The following ASXL1 variants were observed in gnomAD, a reference collection of about 807,000 sequenced individuals.
ASXL1 encodes the protein polycomb group protein ASXL1.
A neutral mutation model predicts 89.1 loss-of-function variants in ASXL1; 65 were observed. The ratio of observed to expected loss-of-function variants is 0.73; its 90% confidence interval spans 0.60 to 0.90. The LOEUF is 0.90. Ranked by LOEUF, ASXL1 falls within the 40% of genes least tolerant of loss-of-function variation. The probability of loss-of-function intolerance (pLI) is 0.00; values close to 1 mark genes in which losing one functional copy is unlikely to be tolerated. For missense variants in ASXL1, 1,786 were observed against 1,942.9 expected, an observed-to-expected ratio of 0.92 and a Z score of 1.52; for synonymous variants, 739 against 746.9, an observed-to-expected ratio of 0.99 and a Z score of 0.17.
rs754008245 is a variant in ASXL1, at chr20:32,435,519, C to T, written c.2807C>T (p.Thr936Ile). 1.2e-6 allele frequency: 2 copies of T among 1,614,036 alleles called. No individual in the cohort carries two copies. Among genetic ancestry groups the T allele is most frequent in the Admixed American group, 1.7e-5 (1 of 60,020 alleles). ...VGEEWEKAAP[T>I]PPALPGDLTA... is the part of the protein sequence containing the mutation. ...GAGGAGTGGGAGAAAGCTGCTCCCACCCCTCCTGCATTGCCTGGGGATTTG... is the reference window on the plus strand; with the variant it reads ...GAGGAGTGGGAGAAAGCTGCTCCCATCCCTCCTGCATTGCCTGGGGATTTG... Residue 936 changes from threonine to isoleucine, a missense_variant, in exon 13 of 13, where the codon ACC (threonine) becomes ATC (isoleucine). Physicochemically the swap from Thr to Ile is moderately conservative, Grantham distance 89. This residue lies in a region of ASXL1 where 1,418 missense variants were observed against 1,427.8 expected (regional missense o/e 0.99). Transcript: ENST00000375687.
chr20:32,379,081 T>TCA (rs60897071), intron 4 of ASXL1, among the ~76,000 whole-genome samples: 2,728 of 143,010 alleles, frequency 0.019, 39 homozygotes, highest in African/African-American at 0.042. Flanking sequence ...ACTCTGTCTC[T>TCA]CACACACACA....
Position 32,437,614 on chromosome 20 carries a change from G to GC in ASXL1, c.*277dup. On this transcript the variant is annotated 3_prime_UTR_variant, in exon 13 of 13. Coordinates refer to ENST00000375687, the MANE Select transcript of ASXL1 (RefSeq NM_015338.6). ...GCCTGATGTGGCACGGAGTGGGGTT[G>GC]CGGGGGGTGGGGGGACTGCCTGACT... The GC allele has an allele frequency of 2.0e-6, 1 of 505,744 alleles. No homozygotes were observed. The highest frequency in any genetic ancestry group is 2.3e-5 in the South Asian group (1 of 43,072). 31.3% of individuals were successfully genotyped at this position (505,744 alleles called of 1,614,324 possible). A position where few individuals can be genotyped will look rare whatever the true frequency, so the allele number is the denominator to read the frequency against.
chr20:32,394,820 T>G (rs2048734199), intron 4 of ASXL1, among the ~76,000 whole-genome samples: 1 of 152,032 alleles, frequency 6.6e-6, no homozygotes, highest in Admixed American at 6.6e-5. Flanking sequence ...TTCAAGTGAT[T>G]CTTATGCCTC....
rs2012073911 is a variant in ASXL1 at position 32,438,969 on chromosome 20, T to C, written c.*1631T>C. On this transcript the variant is annotated 3_prime_UTR_variant, in exon 13 of 13. Coordinates refer to ENST00000375687, the MANE Select transcript of ASXL1 (RefSeq NM_015338.6). The stretch of plus-strand genomic sequence containing the variant: ...GTTGAGGGTTCTTGCTTAATTTAGA[T>C]CAAGTATAAAATTTGTATGACTTCA... 4 of 233,642 alleles carry C rather than the reference T, an allele frequency of 1.7e-5. No individual in the cohort carries two copies. The East Asian group carries it at 2.4e-4, about 14-fold the overall frequency. 14.5% of individuals were successfully genotyped at this position (233,642 alleles called of 1,614,324 possible).
intron 4 of ASXL1, among the ~76,000 whole-genome samples, chr20:32,417,130 C>T (rs935883011): frequency 3.3e-5 from 5 of 152,266 alleles, no homozygotes; most frequent in South Asian, 2.1e-4. Flanking sequence ...TGGTCTTTGT[C>T]TACATTTTAT....
rs144440597 is a variant in ASXL1 at position 32,433,916 on chromosome 20, G to A, written c.1718G>A (p.Arg573Gln). 6.2e-6 allele frequency: 10 copies of A among 1,612,384 alleles called. No homozygotes were observed. Among genetic ancestry groups the A allele is most frequent in the African/African-American group, 4.0e-5 (3 of 74,904 alleles). Reference protein sequence around the residue: ...TKEEPKVPPIRIQLSRIKPPW... With the variant: ...TKEEPKVPPIQIQLSRIKPPW... ...GAGGAGCCCAAAGTCCCGCCCATCCGGGTAGGAGACTGTTTGATTCCTGGC... is the reference window on the plus strand; with the variant it reads ...GAGGAGCCCAAAGTCCCGCCCATCCAGGTAGGAGACTGTTTGATTCCTGGC... The change falls in exon 12 of 13, where the codon CGG (arginine) becomes CAG (glutamine). Residue 573 changes from arginine to glutamine, a missense_variant and splice_region_variant. By Grantham distance (43) the Arg-to-Gln change is conservative. Coordinates refer to ENST00000375687, the MANE Select transcript of ASXL1 (RefSeq NM_015338.6).
At chr20:32,405,605 G>A (rs1030159734) in intron 4 of ASXL1, among the ~76,000 whole-genome samples, 2 of 152,170 alleles carry the variant, frequency 1.3e-5, no homozygotes, top group Non-Finnish European at 2.9e-5. Context: ...GTTGTCATAT[G>A]TCTTTGGTCT....
intron 4 of ASXL1, chr20:32,371,717 C>T (rs532344310): frequency 1.5e-4 from 65 of 425,312 alleles, no homozygotes; most frequent in Admixed American, 1.1e-3. Context: ...GCAGTAGTCC[C>T]ACCTCAGCCT....
intron 4 of ASXL1, among the ~76,000 whole-genome samples, chr20:32,405,962 T>C (rs536871673): frequency 1.1e-4 from 17 of 152,016 alleles, no homozygotes; most frequent in African/African-American, 4.1e-4. Flanking sequence ...TGGAGTGCAA[T>C]GTCTCAAAAA....
chr20:32,435,074 G>A lies in ASXL1; in HGVS notation c.2362G>A (p.Glu788Lys), dbSNP rs1402270258. The A allele has an allele frequency of 6.2e-7, 1 of 1,614,080 alleles. No individual in the cohort carries two copies. The highest frequency in any genetic ancestry group is 8.5e-7 in the Non-Finnish European group (1 of 1,180,026). Residue 788 changes from glutamate to lysine, a missense_variant, in exon 13 of 13, where the codon GAA becomes AAA. Glu to Lys is a moderately conservative substitution (Grantham distance 56, BLOSUM62 1). Around this residue, in one of 3 missense-constraint regions of ASXL1, gnomAD observed 1,418 missense variants for 1,427.8 expected, o/e 0.99. Coordinates refer to ENST00000375687, the MANE Select transcript of ASXL1 (RefSeq NM_015338.6). Reference protein sequence around the residue: ...QPQLHPDVRTECESGTTSWES... With the variant: ...QPQLHPDVRTKCESGTTSWES... ...TCAGTTGCATCCGGATGTTAGAACT[G>A]AATGTGAGTCTGGCACCACTTCCTG...
chr20:32,377,661 T>TA (rs1340654372), intron 4 of ASXL1, among the ~76,000 whole-genome samples: 2 of 149,092 alleles, frequency 1.3e-5, no homozygotes, highest in Non-Finnish European at 3.0e-5. Flanking sequence ...GTTTGTTTTC[T>TA]TTTTTTTTTG....
In ASXL1 at chr20:32,359,242, G is replaced by A. The variant is rs1006228758; in HGVS notation, c.57+410G>A. 1.4e-5 allele frequency: 10 copies of A among 701,480 alleles called. No homozygotes were observed. In the African/African-American group the frequency reaches 1.6e-4, roughly 11 times the overall value. 43.5% of individuals were successfully genotyped at this position (701,480 alleles called of 1,614,324 possible). On this transcript the variant is annotated intron_variant, in intron 1 of 12. Coordinates refer to ENST00000375687, the MANE Select transcript of ASXL1 (RefSeq NM_015338.6). ...AAGCTCCTCCCTCGCTTCCTGGTGG[G>A]TAATGGGGTGGTGCCTTTGACTCCG...
intron 4 of ASXL1, among the ~76,000 whole-genome samples, chr20:32,413,029 G>A (rs963246118): frequency 6.6e-6 from 1 of 152,152 alleles, no homozygotes; most frequent in Non-Finnish European, 1.5e-5. Context: ...TGAGGGAGTG[G>A]TTATACTTTG....
rs35101542 is a variant in ASXL1 at position 32,401,544 on chromosome 20, G to GTGTGTTT, written c.253-26583_253-26582insGTGTTTT. Among the ~76,000 whole-genome samples, 84 of 69,314 alleles carry GTGTGTTT rather than the reference G, an allele frequency of 1.2e-3. 1 individual carries two copies. The highest frequency in any genetic ancestry group is 2.6e-3 in the East Asian group (6 of 2,282). 45.5% of individuals were successfully genotyped at this position (69,314 alleles called of 152,430 possible). ...TATATGTGTGTGTGTGTGTGTGTGT[G>GTGTGTTT]TTTTTTCCCCCCCCCCCTTTTTTTT... On this transcript the variant is annotated intron_variant, in intron 4 of 12. Coordinates refer to ENST00000375687, the MANE Select transcript of ASXL1 (RefSeq NM_015338.6).
intron 4 of ASXL1, among the ~76,000 whole-genome samples, chr20:32,405,103 T>G (rs2048934204): frequency 6.6e-6 from 1 of 152,158 alleles, no homozygotes; most frequent in South Asian, 2.1e-4. Flanking sequence ...TGACCCATTT[T>G]AGAGCCCTGT....
At chr20:32,403,258 A>T (rs1180329950) in intron 4 of ASXL1, among the ~76,000 whole-genome samples, 1 of 152,178 alleles carries the variant, frequency 6.6e-6, no homozygotes, top group Non-Finnish European at 1.5e-5. Flanking sequence ...TGACCTACGC[A>T]TCTGTTCCTC....
intron 4 of ASXL1, among the ~76,000 whole-genome samples, chr20:32,412,949 A>C (rs2049076219): frequency 6.6e-6 from 1 of 152,124 alleles, no homozygotes; most frequent in Admixed American, 6.6e-5. Flanking sequence ...GATTGTTTCC[A>C]TTTGATTATT....
chr20:32,373,876 A>T (rs1171418354), intron 4 of ASXL1, among the ~76,000 whole-genome samples: 3 of 152,142 alleles, frequency 2.0e-5, no homozygotes, highest in African/African-American at 7.2e-5. Flanking sequence ...AAGAAAAAAA[A>T]ATTCAGATAC....
chr20:32,369,601 G>C (rs1212402828), intron 4 of ASXL1, among the ~76,000 whole-genome samples: 1 of 150,372 alleles, frequency 6.7e-6, no homozygotes, highest in Non-Finnish European at 1.5e-5. Context: ...ATATGAATCA[G>C]ATATTAGAAA....
Sources: allele counts gnomAD v4.1 joint callset (sites outside exome capture counted in the v4.1 genomes callset), GRCh38; gene constraint gnomAD v4.1.1; regional missense constraint gnomAD v4.1.1; transcripts MANE v1.5; gene names NCBI Gene and HGNC (gene_info 2026-07-23, HGNC 2026-07-21).